Variants in MYH13 observed in about 807,000 individuals in gnomAD.
MYH13 encodes myosin-13.
Under a neutral mutation model 232.1 loss-of-function variants are expected in MYH13, and 177 were observed. The ratio of observed to expected loss-of-function variants is 0.76; its 90% CI spans 0.67 to 0.86. The LOEUF (loss-of-function observed/expected upper bound fraction) is 0.86, where lower values mean the gene tolerates loss of function less well. Among genes scored for constraint, MYH13 ranks in the 40% least tolerant of loss-of-function variants. MYH13 has a pLI of 0.00. For synonymous variants in MYH13, 884 were observed against 923.5 expected (o/e 0.96, Z 0.78); for missense variants, 2,246 against 2,405.9 (o/e 0.93, Z 1.39).
intron 27 of MYH13, among the ~76,000 whole-genome samples, chr17:10,317,056 G>T (rs1189446026): frequency 1.3e-5 from 2 of 152,130 alleles, no homozygotes; most frequent in Non-Finnish European, 2.9e-5. Context: ...CTGAAAAAGC[G>T]TTAAGAGACA....
intron 21 of MYH13, 119 bp from the exon 22 acceptor site, chr17:10,328,240 GC>G: frequency 8.7e-7 from 1 of 1,155,800 alleles, no homozygotes; most frequent in Non-Finnish European, 1.2e-6. Flanking sequence ...AGGAGGTGCA[GC>G]CAAGCTTGGC....
chr17:10,302,183 A>G (rs1345965896), intron 39 of MYH13, among the ~76,000 whole-genome samples: 1 of 152,098 alleles, frequency 6.6e-6, no homozygotes, highest in Non-Finnish European at 1.5e-5. Context: ...TCCTGCTGGG[A>G]CTGTACTCAT....
intron 8 of MYH13, among the ~76,000 whole-genome samples, chr17:10,356,049 T>A (rs553321652): frequency 6.6e-6 from 1 of 152,094 alleles, no homozygotes; most frequent in African/African-American, 2.4e-5. Context: ...AAATTTCATA[T>A]GCGTGTTTGT....
chr17:10,305,595 C>T (rs896707656), intron 37 of MYH13, among the ~76,000 whole-genome samples: 8 of 152,154 alleles, frequency 5.3e-5, no homozygotes, highest in African/African-American at 1.9e-4. Context: ...CCTCATCCTC[C>T]TTTCCTCCCT....
At chr17:10,342,337 G>A (rs1167530147) in intron 16 of MYH13, among the ~76,000 whole-genome samples, 1 of 152,076 alleles carries the variant, frequency 6.6e-6, no homozygotes, top group Non-Finnish European at 1.5e-5. Flanking sequence ...GGGATTACAG[G>A]TGTAAGCCAC....
chr17:10,327,569 C>A (rs901254463), intron 22 of MYH13, among the ~76,000 whole-genome samples: 3 of 152,134 alleles, frequency 2.0e-5, no homozygotes, highest in Non-Finnish European at 4.4e-5. Context: ...GGTGCATATA[C>A]ATATGACACA....
chr17:10,345,811 G>A (rs994860340), intron 13 of MYH13, among the ~76,000 whole-genome samples, 195 bp from the exon 14 acceptor site: 4 of 151,982 alleles, frequency 2.6e-5, no homozygotes, highest in Admixed American at 6.6e-5. Flanking sequence ...TGGCCAACAT[G>A]GTGAAACCCC....
chr17:10,332,428 A>T (rs1427210334), intron 19 of MYH13, among the ~76,000 whole-genome samples: 4 of 152,092 alleles, frequency 2.6e-5, no homozygotes, highest in Admixed American at 2.6e-4. Flanking sequence ...GGTGGGTGGG[A>T]GAGAAGCATG....
chr17:10,322,683 G>C (rs1470718235), intron 23 of MYH13, among the ~76,000 whole-genome samples: 1 of 144,364 alleles, frequency 6.9e-6, no homozygotes, highest in African/African-American at 2.6e-5. Flanking sequence ...GCCCAGGCTG[G>C]AGTGCAGTGG....
chr17:10,352,495 C>A lies in MYH13; in HGVS notation c.1006-1801G>T, dbSNP rs192273366. Among the ~76,000 whole-genome samples the A allele has an allele frequency of 4.6e-5, 7 of 152,092 alleles. No individual in the cohort carries two copies. In the East Asian group the frequency reaches 1.4e-3, roughly 29 times the overall value. The stretch of plus-strand genomic sequence containing the variant: ...ATCCCAGCTACTTGGGAGGCTGAGG[C>A]AGAGAATTGCTTGAACCTGGGAGGC... On this transcript the variant is annotated intron_variant, in intron 11 of 40. Coordinates refer to ENST00000252172, the MANE Select transcript of MYH13 (RefSeq NM_003802.3).
chr17:10,322,931 C>T (rs1282320136), intron 23 of MYH13, among the ~76,000 whole-genome samples: 1 of 152,074 alleles, frequency 6.6e-6, no homozygotes, highest in Non-Finnish European at 1.5e-5. Context: ...CCGCACCTGG[C>T]CCTATATTTC....
rs777192178 is a variant in MYH13, at chr17:10,311,197, G to T, written c.4562C>A (p.Ala1521Glu). ...TTCCTGAAGATTCTTGCCAGTTTCT[G>T]CAATCTGCTCAGTTAAGTCGGAAAT... is the stretch of plus-strand genomic sequence containing the variant. Reference protein sequence around the residue: ...EEISDLTEQIAETGKNLQEAE... With the variant: ...EEISDLTEQIEETGKNLQEAE... Residue 1521 changes from alanine (A) to glutamate (E), a missense_variant, in exon 33 of 41, where the codon GCA (alanine) becomes GAA (glutamate). Transcript: ENST00000252172. 6.2e-7 allele frequency: 1 copy of T among 1,613,906 alleles called. No individual in the cohort carries two copies. Among genetic ancestry groups the T allele is most frequent in the Non-Finnish European group, 8.5e-7 (1 of 1,179,910 alleles).
Position 10,345,315 on chromosome 17 carries a change from A to G in MYH13, c.1471T>C (p.Phe491Leu). The G allele has an allele frequency of 6.2e-7, 1 of 1,614,192 alleles. No homozygotes were observed. The highest frequency in any genetic ancestry group is 1.1e-5 in the South Asian group (1 of 91,084). Residue 491 changes from phenylalanine to leucine, a missense_variant, in exon 15 of 41, where the codon TTC becomes CTC. Transcript: ENST00000252172. ...NFTNEKLQQF[F>L]NHHMFVLEQE... ...TCCAGCACGAACATGTGGTGGTTGA[A>G]AAACTGTTGCAGTTTCTCATTGGTG...
At chr17:10,337,003 C>T (rs939644028) in intron 18 of MYH13, among the ~76,000 whole-genome samples, 7 of 151,884 alleles carry the variant, frequency 4.6e-5, no homozygotes, top group East Asian at 1.9e-4. Flanking sequence ...CTGCACCCAC[C>T]GCCTCCTGGG....
At position 10,354,755 on chromosome 17, in the gene MYH13, G is replaced by A. The variant is rs757563845; in HGVS notation, c.930C>T (p.Phe310=). The change falls in exon 11 of 41, where the codon TTC becomes TTT. Residue 310 remains phenylalanine (F), a synonymous_variant. Transcript: ENST00000252172. ...CTCCTTGGCTCACGAAGGGGAAGTC[G>A]AAGGGGTTGGTGGAGATCAGAAGCA... ...IDLLLISTNP[F]DFPFVSQGEV... is the part of the protein sequence containing the mutation. 6 of 1,613,834 alleles carry A rather than the reference G, an allele frequency of 3.7e-6. No homozygotes were observed. Among genetic ancestry groups the A allele is most frequent in the Middle Eastern group, 1.6e-4 (1 of 6,082 alleles).
intron 18 of MYH13, among the ~76,000 whole-genome samples, chr17:10,338,891 C>T (rs1007220351): frequency 3.3e-5 from 5 of 151,988 alleles, no homozygotes; most frequent in African/African-American, 9.7e-5. Context: ...TTAGTAGAGA[C>T]GGGGTTTCAC....
intron 12 of MYH13, among the ~76,000 whole-genome samples, chr17:10,348,807 A>C (rs1289772914): frequency 6.6e-6 from 1 of 152,046 alleles, no homozygotes. Context: ...GTGGCCTGCC[A>C]TATATTCTAA....
In MYH13 at chr17:10,347,884, A is replaced by G. The variant is rs542917401; in HGVS notation, c.1145-1086T>C. On this transcript the variant is annotated intron_variant, in intron 12 of 40. Transcript: ENST00000252172. ...AGGCACCCACCACCAGGCCCGGCTA[A>G]TTTTTTTTTATTTTAGTAGAGATGG... 3.4e-3 allele frequency among the ~76,000 whole-genome samples: 509 copies of G among 150,822 alleles called. 3 individuals are homozygous for G. Among genetic ancestry groups the G allele is most frequent in the Middle Eastern group, 0.01 (3 of 294 alleles).
At chr17:10,321,425 C>A (rs1906934351) in intron 24 of MYH13, 107 bp downstream of exon 24, 2 of 1,123,836 alleles carry the variant, frequency 1.8e-6, no homozygotes, top group African/African-American at 3.1e-5. Context: ...TTTAGGGATG[C>A]TGATTCCAGA....
Sources: allele counts gnomAD v4.1 joint callset (sites outside exome capture counted in the v4.1 genomes callset), GRCh38; gene constraint gnomAD v4.1.1; transcripts MANE v1.5; gene names NCBI Gene and HGNC (gene_info 2026-07-23, HGNC 2026-07-21).